ZNF804B: variants seen among roughly 807,000 people sequenced by gnomAD.
ZNF804B encodes the protein zinc finger 804B.
In ZNF804B, 80 loss-of-function variants were observed where a neutral mutation model predicts 101.4. The observed-to-expected ratio is 0.79, with a 90% CI of 0.66 to 0.95. The LOEUF is 0.95. ZNF804B is among the 40% of genes least tolerant of loss of function. The pLI is 0.00. For synonymous variants in ZNF804B, 622 were observed against 558.8 expected, an observed-to-expected ratio of 1.11 and a Z score of -1.59; for missense variants, 1,673 against 1,561.9, an observed-to-expected ratio of 1.07 and a Z score of -1.20.
At chr7:89,090,370 T>A (rs1486116401) in intron 1 of ZNF804B, among the ~76,000 whole-genome samples, 1 of 152,022 alleles carries the variant, frequency 6.6e-6, no homozygotes, top group Non-Finnish European at 1.5e-5. Flanking sequence ...AAATGAAAAG[T>A]TTCAGGATAG....
intron 1 of ZNF804B, among the ~76,000 whole-genome samples, chr7:89,194,874 A>T (rs1360358337): frequency 6.6e-6 from 1 of 151,842 alleles, no homozygotes; most frequent in East Asian, 1.9e-4. Flanking sequence ...CTTGATGGGG[A>T]TGGCATTGAA....
chr7:89,259,049 A>G (rs576756498), intron 2 of ZNF804B, among the ~76,000 whole-genome samples: 3 of 152,292 alleles, frequency 2.0e-5, no homozygotes, highest in South Asian at 4.1e-4. Context: ...AAATTTGCCC[A>G]TATCATAGAA....
At chr7:89,000,834 T>C (rs1788274752) in intron 1 of ZNF804B, among the ~76,000 whole-genome samples, 1 of 150,614 alleles carries the variant, frequency 6.6e-6, no homozygotes, top group Non-Finnish European at 1.5e-5. Flanking sequence ...TGGCATCATA[T>C]ATATGACATT....
intron 1 of ZNF804B, among the ~76,000 whole-genome samples, chr7:88,927,963 A>G (rs201898297): frequency 6.6e-6 from 1 of 152,038 alleles, no homozygotes; most frequent in Admixed American, 6.6e-5. Flanking sequence ...CAGTTTATCC[A>G]TGAGTCTATC....
intron 1 of ZNF804B, among the ~76,000 whole-genome samples, chr7:88,947,531 G>T (rs1793154627): frequency 2.0e-5 from 3 of 151,758 alleles, no homozygotes; most frequent in African/African-American, 7.3e-5. Flanking sequence ...GGGGGGCTAG[G>T]GGAAGGGAGG....
chr7:89,058,379 A>C (rs1789327507), intron 1 of ZNF804B, among the ~76,000 whole-genome samples: 1 of 145,828 alleles, frequency 6.9e-6, no homozygotes, highest in South Asian at 2.2e-4. Context: ...AAGATATTTT[A>C]TGGTATAACA....
intron 2 of ZNF804B, among the ~76,000 whole-genome samples, chr7:89,274,064 A>T (rs1789938591): frequency 6.6e-6 from 1 of 152,028 alleles, no homozygotes; most frequent in Non-Finnish European, 1.5e-5. Context: ...CCTGTGACTG[A>T]TGACTATTCC....
intron 2 of ZNF804B, among the ~76,000 whole-genome samples, chr7:89,253,771 G>T (rs1437858007): frequency 6.6e-6 from 1 of 151,920 alleles, no homozygotes; most frequent in Admixed American, 6.6e-5. Flanking sequence ...TACAAAAATA[G>T]TAAATACGTT....
At chr7:88,967,433 C>T (rs1309656321) in intron 1 of ZNF804B, among the ~76,000 whole-genome samples, 1 of 151,492 alleles carries the variant, frequency 6.6e-6, no homozygotes, top group Non-Finnish European at 1.5e-5. Context: ...GTCCTTCCCC[C>T]AACACTGGGA....
In ZNF804B at chr7:89,335,866, C is replaced by G; in HGVS notation, c.2884C>G (p.Pro962Ala). 6.2e-7 allele frequency: 1 copy of G among 1,614,046 alleles called. No individual in the cohort carries two copies. The highest frequency in any genetic ancestry group is 8.5e-7 in the Non-Finnish European group (1 of 1,179,988). ...KSELEAPSQV[P>A]CTIQLAPSGC... ...TGAATTAGAGGCTCCTTCGCAAGTC[C>G]CATGCACAATTCAACTTGCACCATC... The change falls in exon 4 of 4, where the codon CCA (proline) becomes GCA (alanine). Residue 962 changes from proline to alanine, a missense_variant. Transcript: ENST00000333190.
chr7:89,207,291 C>A (rs551285832), intron 1 of ZNF804B, among the ~76,000 whole-genome samples: 1 of 152,194 alleles, frequency 6.6e-6, no homozygotes. Context: ...TTAATTGACT[C>A]ACAGTTCCAC....
intron 1 of ZNF804B, among the ~76,000 whole-genome samples, chr7:88,900,519 T>C (rs1176656504): frequency 6.7e-6 from 1 of 149,128 alleles, no homozygotes; most frequent in East Asian, 2.0e-4. Flanking sequence ...AACAATAAAT[T>C]TCAATTAAAT....
intron 1 of ZNF804B, among the ~76,000 whole-genome samples, chr7:88,892,443 C>T (rs1483416751): frequency 1.3e-5 from 2 of 152,034 alleles, no homozygotes; most frequent in South Asian, 2.1e-4. Flanking sequence ...TTTTCCTTCT[C>T]TCCTATGTCT....
chr7:89,137,473 G>A (rs1395774481), intron 1 of ZNF804B, among the ~76,000 whole-genome samples: 1 of 152,048 alleles, frequency 6.6e-6, no homozygotes, highest in Non-Finnish European at 1.5e-5. Flanking sequence ...GGTGACTCTT[G>A]TTATGTTTTA....
At chr7:88,976,409 G>A (rs1793616576) in intron 1 of ZNF804B, among the ~76,000 whole-genome samples, 1 of 151,336 alleles carries the variant, frequency 6.6e-6, no homozygotes, top group South Asian at 2.1e-4. Flanking sequence ...CATTTTTTGT[G>A]TCCTCTTCAA....
At chr7:88,976,698 C>A (rs1390055128) in intron 1 of ZNF804B, among the ~76,000 whole-genome samples, 1 of 151,582 alleles carries the variant, frequency 6.6e-6, no homozygotes, top group Non-Finnish European at 1.5e-5. Flanking sequence ...AATTTGAATT[C>A]TTCCTTTCCA....
At chr7:89,278,409 AC>A (rs1790025074) in intron 2 of ZNF804B, among the ~76,000 whole-genome samples, 1 of 150,080 alleles carries the variant, frequency 6.7e-6, no homozygotes, top group Admixed American at 6.7e-5. Flanking sequence ...GGTGTTTTAG[AC>A]ATGAAGTCCT....
intron 2 of ZNF804B, among the ~76,000 whole-genome samples, chr7:89,312,681 C>T (rs1790663165): frequency 6.6e-6 from 1 of 152,004 alleles, no homozygotes; most frequent in South Asian, 2.1e-4. Context: ...GTTTGTATTG[C>T]AACCAGAACA....
chr7:89,237,091 C>T (rs1789294118), intron 2 of ZNF804B, among the ~76,000 whole-genome samples: 1 of 151,814 alleles, frequency 6.6e-6, no homozygotes, highest in Non-Finnish European at 1.5e-5. Context: ...GATAATAACA[C>T]ATATCTCACC....
Sources: gnomAD v4.1 joint callset for allele counts (sites outside exome capture counted in the v4.1 genomes callset) on GRCh38, gnomAD v4.1.1 for gene constraint, MANE v1.5 for transcripts, NCBI Gene and HGNC (gene_info 2026-07-23, HGNC 2026-07-21) for gene names.